Variants in RTF1 observed in about 807,000 individuals in gnomAD.
The protein encoded by RTF1 is RTF1 homolog, Paf1/RNA polymerase II complex component.
RTF1 carries 10 observed loss-of-function variants against 95.7 expected under a neutral mutation model. The ratio of observed to expected loss-of-function variants is 0.10; its 90% CI spans 0.06 to 0.18. The LOEUF is 0.18. Among genes scored for constraint, RTF1 ranks in the 10% least tolerant of loss-of-function variants. The pLI, the probability that RTF1 is intolerant of heterozygous loss-of-function variation, is 1.00. For synonymous variants in RTF1, 305 were observed against 311.8 expected (o/e 0.98, Z 0.23); for missense variants, 458 against 875.6 (o/e 0.52, Z 6.02).
intron 4 of RTF1, among the ~76,000 whole-genome samples, chr15:41,463,704 A>C (rs2050864151): frequency 6.6e-6 from 1 of 151,878 alleles, no homozygotes; most frequent in African/African-American, 2.4e-5. Flanking sequence ...CTAGTCTCCA[A>C]CTCCTGGACT....
At chr15:41,439,860 C>T (rs1400280034) in intron 2 of RTF1, among the ~76,000 whole-genome samples, 1 of 152,094 alleles carries the variant, frequency 6.6e-6, no homozygotes, top group East Asian at 1.9e-4. Context: ...CCACGTTCGC[C>T]AGGCTGGTCT....
chr15:41,454,241 C>T (rs530704375), intron 3 of RTF1, among the ~76,000 whole-genome samples: 4 of 152,052 alleles, frequency 2.6e-5, no homozygotes, highest in African/African-American at 9.7e-5. Context: ...AGATGCTCAC[C>T]AGCACACTTA....
intron 6 of RTF1, among the ~76,000 whole-genome samples, chr15:41,468,609 A>T (rs34040639): frequency 2.0e-5 from 3 of 151,864 alleles, no homozygotes; most frequent in Non-Finnish European, 2.9e-5. Context: ...GAGCCACCGC[A>T]CCCGGCCTAA....
chr15:41,432,900 T>C (rs2050682659), intron 1 of RTF1, among the ~76,000 whole-genome samples: 1 of 150,092 alleles, frequency 6.7e-6, no homozygotes, highest in Non-Finnish European at 1.5e-5. Flanking sequence ...ATCGCACCAT[T>C]GCACTCCAGC....
At chr15:41,451,954 T>C (rs1476862153) in intron 2 of RTF1, among the ~76,000 whole-genome samples, 1 of 152,116 alleles carries the variant, frequency 6.6e-6, no homozygotes, top group Non-Finnish European at 1.5e-5. Context: ...TTCCAGCTAC[T>C]TAGGAGGCTC....
chr15:41,476,640 T>G, intron 12 of RTF1, 117 bp downstream of exon 12: 2 of 901,352 alleles, frequency 2.2e-6, no homozygotes, highest in Admixed American at 3.9e-5. Context: ...TGGGCTCGAT[T>G]ATAAGCAACA....
At chr15:41,427,162 T>C (rs1397612665) in intron 1 of RTF1, among the ~76,000 whole-genome samples, 1 of 137,740 alleles carries the variant, frequency 7.3e-6, no homozygotes, top group Non-Finnish European at 1.6e-5. Context: ...TTTTTTTTTT[T>C]TTTTTTTGAG....
At chr15:41,463,744 AGT>A (rs1403378057) in intron 4 of RTF1, among the ~76,000 whole-genome samples, 6 of 152,164 alleles carry the variant, frequency 3.9e-5, no homozygotes, top group African/African-American at 1.4e-4. Flanking sequence ...GGCCTCCCAA[AGT>A]ACTGGAATTA....
intron 1 of RTF1, among the ~76,000 whole-genome samples, chr15:41,433,375 C>T (rs1263294808): frequency 6.6e-6 from 1 of 152,162 alleles, no homozygotes; most frequent in East Asian, 1.9e-4. Flanking sequence ...CACTCTGTTG[C>T]CCAGGCTGGA....
Position 41,475,630 on chromosome 15 carries a change from A to C in RTF1, c.1374+18A>C. 6.2e-7 allele frequency: 1 copy of C among 1,602,488 alleles called. No homozygotes were observed. Reference sequence around the variant, plus strand: ...AAGAAGCGGTACGTGGCTAGAGATTACCTAGCAGTTGTTCGTGCACGTTGA... The same window carrying C: ...AAGAAGCGGTACGTGGCTAGAGATTCCCTAGCAGTTGTTCGTGCACGTTGA... On this transcript the variant is annotated intron_variant, in intron 10 of 17. Transcript: ENST00000389629.
chr15:41,461,947 G>T (rs1171624816), intron 4 of RTF1, among the ~76,000 whole-genome samples: 1 of 149,818 alleles, frequency 6.7e-6, no homozygotes, highest in Non-Finnish European at 1.5e-5. Flanking sequence ...AGAGAGGGGG[G>T]GTTTGCCATG....
chr15:41,480,917 GCT>G lies in RTF1; in HGVS notation c.*235_*236del. On this transcript the variant is annotated 3_prime_UTR_variant, in exon 18 of 18. Coordinates refer to ENST00000389629, the MANE Select transcript of RTF1 (RefSeq NM_015138.5). ...AGGGCCCCACCCAGTGTGGGCCTGG[GCT>G]CTCTTGGGCTTTATCCATGTCTTTA... 1.8e-6 allele frequency: 1 copy of G among 543,278 alleles called. No homozygotes were observed. The highest frequency in any genetic ancestry group is 3.3e-6 in the Non-Finnish European group (1 of 303,156). The allele number at this position is 543,278 out of a possible 1,614,324, so 33.7% of individuals were successfully genotyped here. A position where few individuals can be genotyped will look rare whatever the true frequency, so the allele number is the denominator to read the frequency against.
intron 1 of RTF1, among the ~76,000 whole-genome samples, chr15:41,421,131 A>G (rs993512854): frequency 2.0e-5 from 3 of 151,922 alleles, no homozygotes; most frequent in Non-Finnish European, 2.9e-5. Context: ...AGATCAGCGT[A>G]GGCAACAAAG....
At chr15:41,468,323 A>AC (rs1334677601) in intron 6 of RTF1, among the ~76,000 whole-genome samples, 2 of 151,294 alleles carry the variant, frequency 1.3e-5, no homozygotes, top group Admixed American at 1.3e-4. Context: ...ATAAAGAGAA[A>AC]CCTTTTTTTT....
chr15:41,473,739 T>C (rs2050927697), intron 8 of RTF1, among the ~76,000 whole-genome samples: 1 of 152,052 alleles, frequency 6.6e-6, no homozygotes, highest in Admixed American at 6.6e-5. Context: ...ATTTTTTTTT[T>C]CTTTTTTGTA....
intron 1 of RTF1, among the ~76,000 whole-genome samples, chr15:41,432,539 C>T (rs2050680658): frequency 6.6e-6 from 1 of 152,088 alleles, no homozygotes. Flanking sequence ...AACAGGAAGG[C>T]AGTACTAATG....
intron 2 of RTF1, among the ~76,000 whole-genome samples, chr15:41,439,329 C>T (rs537340247): frequency 2.6e-5 from 4 of 152,192 alleles, no homozygotes; most frequent in South Asian, 2.1e-4. Context: ...CCACTGCGCC[C>T]GGACTCTCTT....
intron 2 of RTF1, among the ~76,000 whole-genome samples, chr15:41,452,175 C>G (rs2050792316): frequency 6.6e-6 from 1 of 152,216 alleles, no homozygotes; most frequent in Admixed American, 6.5e-5. Context: ...GTGGCTCACA[C>G]CTGTAATCCC....
At chr15:41,437,127 C>A (rs1195454650) in intron 1 of RTF1, among the ~76,000 whole-genome samples, 1 of 143,858 alleles carries the variant, frequency 7.0e-6, no homozygotes, top group Non-Finnish European at 1.5e-5. Context: ...ACAAAAAAAT[C>A]TCTTTTCTTT....
Sources: allele counts gnomAD v4.1 joint callset (sites outside exome capture counted in the v4.1 genomes callset), GRCh38; gene constraint gnomAD v4.1.1; transcripts MANE v1.5; gene names NCBI Gene and HGNC (gene_info 2026-07-23, HGNC 2026-07-21).